The following GREM1 variants were observed in gnomAD, a reference collection of about 807,000 sequenced individuals.
GREM1 encodes gremlin 1, DAN family BMP antagonist.
In GREM1, 6 loss-of-function variants were observed where a neutral mutation model predicts 13.1. The observed-to-expected ratio is 0.46, with a 90% CI of 0.25 to 0.91. GREM1 has a LOEUF of 0.91. Among genes scored for constraint, GREM1 ranks in the 40% least tolerant of loss-of-function variants. The probability of loss-of-function intolerance (pLI) is 0.18; values close to 1 mark genes in which losing one functional copy is unlikely to be tolerated. For missense variants in GREM1, 185 were observed against 233.9 expected (o/e 0.79, Z 1.36); for synonymous variants, 98 against 93.7 (o/e 1.05, Z -0.27).
rs114992972 is a variant in GREM1 at position 32,723,626 on chromosome 15, T to A, written c.-2+5465T>A. 4.9e-3 allele frequency among the ~76,000 whole-genome samples: 703 copies of A among 144,470 alleles called. 14 individuals are homozygous for A. Among genetic ancestry groups the A allele is most frequent in the African/African-American group, 0.017 (679 of 39,630 alleles). 94.8% of individuals were successfully genotyped at this position (144,470 alleles called of 152,430 possible). ...ATTTTGAGGAAAATGTACTTTTCTT[T>A]AAAAAAAAAAAAAAAGCCTGTCTGT... On this transcript the variant is annotated intron_variant, in intron 1 of 1. Transcript: ENST00000651154.
At chr15:32,722,570 A>T (rs969082155) in intron 1 of GREM1, among the ~76,000 whole-genome samples, 1 of 152,236 alleles carries the variant, frequency 6.6e-6, no homozygotes, top group African/African-American at 2.4e-5. Context: ...AGTCCTCAGT[A>T]TTAGAATATT....
rs2055707529 is a variant in GREM1, at chr15:32,737,280, A to C, written c.*6035A>C. 1 of 152,198 alleles carries C rather than the reference A, an allele frequency of 6.6e-6. No homozygotes were observed. The highest frequency in any genetic ancestry group is 1.5e-5 in the Non-Finnish European group (1 of 68,040). 9.4% of individuals were successfully genotyped at this position (152,198 alleles called of 1,614,324 possible). ...ACTTTCCACCTTATTTTCTATAACTAGTATTACCTTGATACCAAATTCTGA... is the reference window on the plus strand; with the variant it reads ...ACTTTCCACCTTATTTTCTATAACTCGTATTACCTTGATACCAAATTCTGA... On this transcript the variant is annotated 3_prime_UTR_variant, in exon 2 of 2. Transcript: ENST00000651154.
rs115739535 is a variant in GREM1 at position 32,741,234 on chromosome 15, T to C, written c.*9989T>C. On this transcript the variant is annotated 3_prime_UTR_variant, in exon 2 of 2. Transcript: ENST00000651154. Reference sequence around the variant, plus strand: ...CTCATTCCAACAGATTCATGCTACATTGTTTAGTGACAAATAAGGGGAACA... The same window carrying C: ...CTCATTCCAACAGATTCATGCTACACTGTTTAGTGACAAATAAGGGGAACA... 2.7e-3 allele frequency: 406 copies of C among 152,298 alleles called. 4 individuals carry two copies. The highest frequency in any genetic ancestry group is 9.2e-3 in the African/African-American group (382 of 41,572). The allele number at this position is 152,298 out of a possible 1,614,324, so 9.4% of individuals were successfully genotyped here.
chr15:32,720,245 T>C lies in GREM1; in HGVS notation c.-2+2084T>C, dbSNP rs2055382787. On this transcript the variant is annotated intron_variant, in intron 1 of 1. Transcript: ENST00000651154. Reference sequence around the variant, plus strand: ...TCTGTAGGAAATCCAGGTTGGCTAATGCGGTCTTTATGTGAGTAGTTACAC... The same window carrying C: ...TCTGTAGGAAATCCAGGTTGGCTAACGCGGTCTTTATGTGAGTAGTTACAC... Among the ~76,000 whole-genome samples, 3 of 152,348 alleles carry C rather than the reference T, an allele frequency of 2.0e-5. No individual in the cohort carries two copies. The South Asian group carries it at 6.2e-4, about 32-fold the overall frequency.
rs1254861726 is a variant in GREM1 at position 32,740,481 on chromosome 15, A to T, written c.*9236A>T. 6.6e-6 allele frequency: 1 copy of T among 152,198 alleles called. No individual in the cohort carries two copies. Among genetic ancestry groups the T allele is most frequent in the Admixed American group, 6.5e-5 (1 of 15,280 alleles). The allele number at this position is 152,198 out of a possible 1,614,324, so 9.4% of individuals were successfully genotyped here. A position where few individuals can be genotyped will look rare whatever the true frequency, so the allele number is the denominator to read the frequency against. ...AAATTTATGACAGGACATCAACAGG[A>T]GACAAGATTAATCAGAAGAAAGAAT... On this transcript the variant is annotated 3_prime_UTR_variant, in exon 2 of 2. Transcript: ENST00000651154.
intron 1 of GREM1, among the ~76,000 whole-genome samples, chr15:32,722,475 G>T (rs146244800): frequency 6.2e-4 from 95 of 152,358 alleles, no homozygotes; most frequent in African/African-American, 2.3e-3. Context: ...ACAGCAAGAA[G>T]AGGGATGGAA....
chr15:32,730,284 C>T (rs910150299), intron 1 of GREM1, among the ~76,000 whole-genome samples: 9 of 152,148 alleles, frequency 5.9e-5, no homozygotes, highest in Non-Finnish European at 1.2e-4. Context: ...GGGAGGTTTC[C>T]GGAGGAATGA....
chr15:32,718,398 A>G lies in GREM1; in HGVS notation c.-2+237A>G, dbSNP rs1439431290. 8.2e-6 allele frequency: 4 copies of G among 485,936 alleles called. No individual in the cohort carries two copies. In the Admixed American group the frequency reaches 9.2e-5, roughly 11 times the overall value. 30.1% of individuals were successfully genotyped at this position (485,936 alleles called of 1,614,324 possible). On this transcript the variant is annotated intron_variant, in intron 1 of 1. Transcript: ENST00000651154. Reference sequence around the variant, plus strand: ...AAACGTAGGAAAAAAAGTTGTCAGGAGCGGGCAGGATGACCCCCACATCCC... The same window carrying G: ...AAACGTAGGAAAAAAAGTTGTCAGGGGCGGGCAGGATGACCCCCACATCCC...
chr15:32,718,222 A>AC (rs1398298768), intron 1 of GREM1, 61 bp downstream of exon 1: 29 of 1,229,076 alleles, frequency 2.4e-5, no homozygotes, highest in Non-Finnish European at 2.9e-5. Flanking sequence ...CCGCAAACCA[A>AC]CCCAGGACCC....
chr15:32,734,037 G>A lies in GREM1; in HGVS notation c.*2792G>A, dbSNP rs1477605721. On this transcript the variant is annotated 3_prime_UTR_variant, in exon 2 of 2. Transcript: ENST00000651154. The stretch of plus-strand genomic sequence containing the variant: ...CTTTGGTCACTGTGATTTCAAGCAT[G>A]TTTTCTTTTTCTCCTTTATATGACT... 1 of 242,576 alleles carries A rather than the reference G, an allele frequency of 4.1e-6. No individual in the cohort carries two copies. The highest frequency in any genetic ancestry group is 2.2e-5 in the African/African-American group (1 of 45,092). 15.0% of individuals were successfully genotyped at this position (242,576 alleles called of 1,614,324 possible).
chr15:32,732,621 C>G lies in GREM1; in HGVS notation c.*1376C>G, dbSNP rs1477111758. The G allele has an allele frequency of 4.1e-6, 1 of 244,442 alleles. No individual in the cohort carries two copies. Among genetic ancestry groups the G allele is most frequent in the Non-Finnish European group, 8.6e-6 (1 of 116,022 alleles). The allele number at this position is 244,442 out of a possible 1,614,324, so 15.1% of individuals were successfully genotyped here. A position where few individuals can be genotyped will look rare whatever the true frequency, so the allele number is the denominator to read the frequency against. On this transcript the variant is annotated 3_prime_UTR_variant, in exon 2 of 2. Coordinates refer to ENST00000651154, the MANE Select transcript of GREM1 (RefSeq NM_013372.7). ...GTGCTCACTGAGGATCTGAGGGGAC[C>G]CTGTTAGGAGAGCATAGCATCATGA...
At chr15:32,723,227 A>G (rs1428542675) in intron 1 of GREM1, among the ~76,000 whole-genome samples, 3 of 152,214 alleles carry the variant, frequency 2.0e-5, no homozygotes, top group Admixed American at 6.5e-5. Flanking sequence ...CAAAGTGCAC[A>G]TTATTTGGTG....
At chr15:32,723,602 T>C (rs2140674336) in intron 1 of GREM1, among the ~76,000 whole-genome samples, 1 of 139,200 alleles carries the variant, frequency 7.2e-6, no homozygotes, top group East Asian at 2.1e-4. Context: ...ATAAATCTTA[T>C]TTTGAGGAAA....
rs182041333 is a variant in GREM1 at position 32,718,349 on chromosome 15, C to A, written c.-2+188C>A. On this transcript the variant is annotated intron_variant, in intron 1 of 1. Transcript: ENST00000651154. ...CCTGCTGAGGCCGCGGACACCGTGA[C>A]CTCGCTGCTCTGGGTCTGCAGGGAA... 1.1e-3 allele frequency: 555 copies of A among 516,192 alleles called. 5 individuals are homozygous for A. Among genetic ancestry groups the A allele is most frequent in the African/African-American group, 9.1e-3 (476 of 52,350 alleles). 32.0% of individuals were successfully genotyped at this position (516,192 alleles called of 1,614,324 possible).
At chr15:32,724,740 C>G (rs1295869877) in intron 1 of GREM1, among the ~76,000 whole-genome samples, 1 of 151,930 alleles carries the variant, frequency 6.6e-6, no homozygotes, top group Non-Finnish European at 1.5e-5. Context: ...CTGCACCCAT[C>G]AACCCATCAT....
rs764480369 is a variant in GREM1 at position 32,720,518 on chromosome 15, C to T, written c.-2+2357C>T. Among the ~76,000 whole-genome samples the T allele has an allele frequency of 1.3e-4, 20 of 152,100 alleles. 1 individual carries two copies. The highest frequency in any genetic ancestry group is 2.9e-4 in the Non-Finnish European group (20 of 68,022). On this transcript the variant is annotated intron_variant, in intron 1 of 1. Coordinates refer to ENST00000651154, the MANE Select transcript of GREM1 (RefSeq NM_013372.7). ...ATAAACCTTTTATGTAAAGGAAAGG[C>T]AGGTGGGGGACAGTGGTTAGGGGAG...
rs67118209 is a variant in GREM1, at chr15:32,738,083, CAAAA to C, written c.*6885_*6888del. On this transcript the variant is annotated 3_prime_UTR_variant, in exon 2 of 2. Transcript: ENST00000651154. The stretch of plus-strand genomic sequence containing the variant: ...GGAGGTTCTACCTAGGGTAATTAGG[CAAAA>C]AAAAAAAAAAAAAAAAAAAAAAAAA... 5.3e-5 allele frequency: 1 copy of C among 18,930 alleles called. No homozygotes were observed. The highest frequency in any genetic ancestry group is 2.3e-4 in the African/African-American group (1 of 4,378). The allele number at this position is 18,930 out of a possible 1,614,324, so 1.2% of individuals were successfully genotyped here.
intron 1 of GREM1, among the ~76,000 whole-genome samples, chr15:32,728,360 T>C (rs2140684634): frequency 6.6e-6 from 1 of 152,308 alleles, no homozygotes; most frequent in African/African-American, 2.4e-5. Context: ...AGAGCAGGGA[T>C]GTTGTAACAT....
chr15:32,738,121 AAAAAAAAAAAAAG>A lies in GREM1; in HGVS notation c.*6881_*6893del, dbSNP rs2055725665. The A allele has an allele frequency of 3.4e-5, 1 of 29,024 alleles. No homozygotes were observed. The highest frequency in any genetic ancestry group is 5.8e-5 in the Non-Finnish European group (1 of 17,334). 1.8% of individuals were successfully genotyped at this position (29,024 alleles called of 1,614,324 possible). ...AAAAAAAAAAAAAAAAAAAAAAAAAAAAAAAAAAAAAAGAAAAGAAAAAAGTCATCCAGATTGG... is the reference window on the plus strand; with the variant it reads ...AAAAAAAAAAAAAAAAAAAAAAAAAAAAAAGAAAAAAGTCATCCAGATTGG... On this transcript the variant is annotated 3_prime_UTR_variant, in exon 2 of 2. Transcript: ENST00000651154.
Sources: gnomAD v4.1 joint callset for allele counts (sites outside exome capture counted in the v4.1 genomes callset) on GRCh38, gnomAD v4.1.1 for gene constraint, MANE v1.5 for transcripts, NCBI Gene and HGNC (gene_info 2026-07-23, HGNC 2026-07-21) for gene names.